Variants in CHRM3 observed in about 807,000 individuals in gnomAD.
The protein encoded by CHRM3 is cholinergic receptor muscarinic 3.
CHRM3 carries 11 observed loss-of-function variants against 41.8 expected under a neutral mutation model. That is an observed-to-expected ratio of 0.26 (90% CI 0.17 to 0.44). The LOEUF is 0.44. CHRM3 is among the 20% of genes least tolerant of loss of function. CHRM3 has a pLI of 1.00. For synonymous variants in CHRM3, 297 were observed against 301.4 expected (o/e 0.99, Z 0.15); for missense variants, 571 against 745.4 (o/e 0.77, Z 2.72).
intron 3 of CHRM3, among the ~76,000 whole-genome samples, chr1:239,612,256 T>G (rs1558375468): frequency 3.3e-5 from 5 of 152,342 alleles, no homozygotes. Flanking sequence ...TTATTTTAAT[T>G]AATATATCAC....
chr1:239,439,367 A>G (rs1663525335), intron 1 of CHRM3, among the ~76,000 whole-genome samples: 1 of 152,160 alleles, frequency 6.6e-6, no homozygotes, highest in Non-Finnish European at 1.5e-5. Context: ...CTCATGGGAA[A>G]ATGTGAATGC....
chr1:239,774,826 A>G (rs929341524), intron 5 of CHRM3, among the ~76,000 whole-genome samples: 1 of 152,176 alleles, frequency 6.6e-6, no homozygotes, highest in Non-Finnish European at 1.5e-5. Flanking sequence ...GACATTGTTT[A>G]TTACCATCAG....
At chr1:239,561,719 A>T (rs1233247170) in intron 3 of CHRM3, among the ~76,000 whole-genome samples, 1 of 152,072 alleles carries the variant, frequency 6.6e-6, no homozygotes. Flanking sequence ...ATAATTGTTT[A>T]TCATATATTT....
chr1:239,563,990 T>G (rs932225873), intron 3 of CHRM3, among the ~76,000 whole-genome samples: 1 of 152,146 alleles, frequency 6.6e-6, no homozygotes, highest in Non-Finnish European at 1.5e-5. Flanking sequence ...TGTAAAAATT[T>G]AATAGCAAAA....
At chr1:239,394,003 T>C (rs898520638) in intron 1 of CHRM3, among the ~76,000 whole-genome samples, 1 of 152,184 alleles carries the variant, frequency 6.6e-6, no homozygotes, top group Non-Finnish European at 1.5e-5. Context: ...CATTATCACA[T>C]CTTTCATATC....
At chr1:239,565,362 T>C (rs1016696990) in intron 3 of CHRM3, among the ~76,000 whole-genome samples, 2 of 152,128 alleles carry the variant, frequency 1.3e-5, no homozygotes, top group Admixed American at 6.6e-5. Context: ...GAGGACTATA[T>C]TGGAATGTAG....
intron 5 of CHRM3, among the ~76,000 whole-genome samples, chr1:239,796,728 A>G (rs1412258278): frequency 6.6e-6 from 1 of 152,082 alleles, no homozygotes; most frequent in Non-Finnish European, 1.5e-5. Flanking sequence ...AGGGGGTACA[A>G]GTGCATTTTT....
At chr1:239,873,860 C>T (rs1234908435) in intron 6 of CHRM3, among the ~76,000 whole-genome samples, 1 of 152,168 alleles carries the variant, frequency 6.6e-6, no homozygotes, top group Non-Finnish European at 1.5e-5. Context: ...TTCTTACCAG[C>T]CCAGCTGAAG....
At chr1:239,772,858 G>A (rs1417607996) in intron 5 of CHRM3, among the ~76,000 whole-genome samples, 1 of 152,124 alleles carries the variant, frequency 6.6e-6, no homozygotes, top group Non-Finnish European at 1.5e-5. Context: ...CCTAAAGGCA[G>A]AAGTTGCTTC....
At chr1:239,842,510 C>T (rs1673900059) in intron 6 of CHRM3, among the ~76,000 whole-genome samples, 2 of 152,190 alleles carry the variant, frequency 1.3e-5, no homozygotes, top group Admixed American at 6.5e-5. Context: ...GTTGGGATTA[C>T]AGGAGTGAGC....
At chr1:239,680,629 C>T (rs908871732) in intron 5 of CHRM3, among the ~76,000 whole-genome samples, 3 of 152,008 alleles carry the variant, frequency 2.0e-5, no homozygotes, top group African/African-American at 7.2e-5. Flanking sequence ...AATGTCTCTC[C>T]TTCCTAAGTT....
chr1:239,691,012 A>G (rs1325247534), intron 5 of CHRM3, among the ~76,000 whole-genome samples: 1 of 152,014 alleles, frequency 6.6e-6, no homozygotes, highest in Non-Finnish European at 1.5e-5. Context: ...ACCATTAGCT[A>G]TTGGTCTCTA....
chr1:239,717,777 T>C (rs1312708003), intron 5 of CHRM3, among the ~76,000 whole-genome samples: 4 of 152,066 alleles, frequency 2.6e-5, no homozygotes, highest in Non-Finnish European at 5.9e-5. Flanking sequence ...TCCTTCCTCC[T>C]CTAGAACTGA....
chr1:239,563,449 A>C (rs565887507), intron 3 of CHRM3, among the ~76,000 whole-genome samples: 1 of 152,344 alleles, frequency 6.6e-6, no homozygotes, highest in Non-Finnish European at 1.5e-5. Context: ...AAGCTTAAAA[A>C]AAATGTAAAA....
At chr1:239,803,800 C>T (rs935414815) in intron 5 of CHRM3, among the ~76,000 whole-genome samples, 1 of 152,144 alleles carries the variant, frequency 6.6e-6, no homozygotes. Flanking sequence ...CCAAGCAGAG[C>T]GGGGTTCCAC....
chr1:239,696,009 G>A (rs560440174), intron 5 of CHRM3, among the ~76,000 whole-genome samples: 1 of 152,244 alleles, frequency 6.6e-6, no homozygotes, highest in African/African-American at 2.4e-5. Flanking sequence ...ACCTTTTCAT[G>A]TATGTACTGA....
chr1:239,603,615 T>C (rs556711808), intron 3 of CHRM3, among the ~76,000 whole-genome samples: 1 of 152,214 alleles, frequency 6.6e-6, no homozygotes, highest in East Asian at 1.9e-4. Context: ...CTTTTTGCTT[T>C]TTCTACCTGG....
At position 239,741,404 on chromosome 1, in the gene CHRM3, C is replaced by T. The variant is rs150901434; in HGVS notation, c.-147+63116C>T. The stretch of plus-strand genomic sequence containing the variant: ...TTCCAGGTATAGGGTGGACATTTCT[C>T]ACATGAGGGTCTTATGACCTTCTTC... On this transcript the variant is annotated intron_variant, in intron 5 of 6. Transcript: ENST00000676153. Among the ~76,000 whole-genome samples the T allele has an allele frequency of 7.1e-3, 1,088 of 152,218 alleles. 9 individuals are homozygous for T. Among genetic ancestry groups the T allele is most frequent in the South Asian group, 0.029 (140 of 4,794 alleles).
chr1:239,814,703 G>C (rs1441511093), intron 5 of CHRM3, among the ~76,000 whole-genome samples: 1 of 152,152 alleles, frequency 6.6e-6, no homozygotes, highest in Non-Finnish European at 1.5e-5. Context: ...CCCAGCAAGT[G>C]GCTGCTGAGG....
Sources: allele counts gnomAD v4.1 joint callset (sites outside exome capture counted in the v4.1 genomes callset), GRCh38; gene constraint gnomAD v4.1.1; transcripts MANE v1.5; gene names NCBI Gene and HGNC (gene_info 2026-07-23, HGNC 2026-07-21).